C11orf65: variants seen among roughly 807,000 people sequenced by gnomAD.
C11orf65 encodes the protein protein MFI.
C11orf65 carries 38 observed loss-of-function variants against 35.3 expected under a neutral mutation model. That is an observed-to-expected ratio of 1.08 (90% CI 0.83 to 1.41). The LOEUF (loss-of-function observed/expected upper bound fraction) is 1.41. Among genes scored for constraint, C11orf65 ranks in the 40% most tolerant of loss-of-function variants. The pLI is 0.00. For synonymous variants in C11orf65, 105 were observed against 114.4 expected (o/e 0.92, Z 0.53); for missense variants, 370 against 367.1 (o/e 1.01, Z -0.06).
rs2137291352 is a variant in C11orf65 at position 108,353,824 on chromosome 11, C to CA, written c.227-18533dup. 6.2e-7 allele frequency: 1 copy of CA among 1,614,056 alleles called. No individual in the cohort carries two copies. Among genetic ancestry groups the CA allele is most frequent in the Non-Finnish European group, 8.5e-7 (1 of 1,179,990 alleles). ...CTCCTGAGACAGTTCCTTTTAGACT[C>CA]ACCAGAGATATTGTGGATGGCATGG... On this transcript the variant is annotated intron_variant, in intron 2 of 3. Coordinates refer to the C11orf65 transcript ENST00000524755.
chr11:108,325,868 A>G (rs539591104), intron 6 of C11orf65, among the ~76,000 whole-genome samples: 1 of 152,000 alleles, frequency 6.6e-6, no homozygotes, highest in Non-Finnish European at 1.5e-5. Flanking sequence ...ATAGAGAGAG[A>G]CAGACAGACA....
At position 108,343,246 on chromosome 11, in the gene C11orf65, G is replaced by A. The variant is rs748634900; in HGVS notation, c.227-7954C>T. On this transcript the variant is annotated intron_variant, in intron 2 of 3. Transcript: ENST00000524755. The stretch of plus-strand genomic sequence containing the variant: ...GGTGGTTCCCCTCTCTCAGCGAAGT[G>A]GTGTTCTTGAATGGTGCACAGGAAC... The A allele has an allele frequency of 4.3e-6, 7 of 1,613,958 alleles. No individual in the cohort carries two copies. Among genetic ancestry groups the A allele is most frequent in the Non-Finnish European group, 5.9e-6 (7 of 1,179,912 alleles).
intron 2 of C11orf65, among the ~76,000 whole-genome samples, chr11:108,342,413 AATATAC>A (rs1288750816): frequency 2.0e-5 from 3 of 152,194 alleles, no homozygotes; most frequent in Non-Finnish European, 2.9e-5. Context: ...AAATTACAGA[AATATAC>A]ATATAGTATC....
chr11:108,431,466 G>A (rs1649075633), intron 3 of C11orf65, among the ~76,000 whole-genome samples: 1 of 152,158 alleles, frequency 6.6e-6, no homozygotes, highest in Non-Finnish European at 1.5e-5. Flanking sequence ...ATATAAAATA[G>A]TGGTTACCTT....
intron 8 of C11orf65, among the ~76,000 whole-genome samples, chr11:108,383,795 C>T (rs957495663): frequency 1.2e-4 from 19 of 152,014 alleles, no homozygotes; most frequent in Non-Finnish European, 4.4e-5. Flanking sequence ...TGCTTTTATG[C>T]TCCTTCCAAC....
intron 2 of C11orf65, chr11:108,367,740 C>T (rs941813666): frequency 9.2e-6 from 2 of 217,144 alleles, no homozygotes; most frequent in African/African-American, 4.5e-5. Context: ...AACCAATCTC[C>T]AGAACTTTTT....
At chr11:108,338,143 G>T (rs113324485) in intron 2 of C11orf65, among the ~76,000 whole-genome samples, 10,882 of 152,340 alleles carry the variant, frequency 0.071, 451 homozygotes, top group Admixed American at 0.095. Context: ...GAGGCCAGGA[G>T]TTTGAGACCA....
At chr11:108,362,607 TAC>T (rs1417458104) in intron 2 of C11orf65, among the ~76,000 whole-genome samples, 1 of 149,612 alleles carries the variant, frequency 6.7e-6, no homozygotes, top group Non-Finnish European at 1.5e-5. Context: ...CACCATGGAA[TAC>T]TATGCAGCCA....
intron 2 of C11orf65, among the ~76,000 whole-genome samples, chr11:108,445,734 C>T (rs908815821): frequency 2.8e-4 from 42 of 152,222 alleles, no homozygotes; most frequent in Admixed American, 1.0e-3. Context: ...TCCAAAGGAA[C>T]GCAGCTCCTC....
chr11:108,354,975 C>A, intron 2 of C11orf65: 1 of 1,004,424 alleles, frequency 1.0e-6, no homozygotes, highest in Non-Finnish European at 1.6e-6. Context: ...TTCATTTTAA[C>A]ATAGGGGGAT....
chr11:108,435,730 G>A (rs2093050691), intron 2 of C11orf65, among the ~76,000 whole-genome samples: 1 of 152,088 alleles, frequency 6.6e-6, no homozygotes, highest in Non-Finnish European at 1.5e-5. Context: ...CTATATATCT[G>A]CATATAAATA....
At chr11:108,442,557 A>G (rs996206576) in intron 2 of C11orf65, among the ~76,000 whole-genome samples, 5 of 152,294 alleles carry the variant, frequency 3.3e-5, no homozygotes, top group South Asian at 2.1e-4. Flanking sequence ...AGGAAAAAAT[A>G]TTAAGGGCAG....
chr11:108,397,998 T>C (rs890056471), intron 6 of C11orf65, among the ~76,000 whole-genome samples: 3 of 152,126 alleles, frequency 2.0e-5, no homozygotes, highest in Admixed American at 1.3e-4. Context: ...TGTCTAGGTA[T>C]GTAAGGGAAG....
chr11:108,347,626 T>TA (rs1162537879), intron 2 of C11orf65, among the ~76,000 whole-genome samples: 4 of 152,090 alleles, frequency 2.6e-5, no homozygotes, highest in African/African-American at 9.7e-5. Flanking sequence ...AGACAGAAGA[T>TA]AGAGCAGATT....
At chr11:108,329,160 T>C (rs758351633), downstream of C11orf65, 3 of 1,614,044 alleles carry the variant, frequency 1.9e-6, no homozygotes, top group Middle Eastern at 1.6e-4. Context: ...TCATCGGAAT[T>C]TGAAAACAAG....
chr11:108,452,294 T>A (rs1008978417), intron 2 of C11orf65, among the ~76,000 whole-genome samples: 5 of 151,994 alleles, frequency 3.3e-5, no homozygotes, highest in African/African-American at 1.2e-4. Context: ...ACAAAGAACT[T>A]AAACAAATTT....
intron 7 of C11orf65, 97 bp downstream of exon 7, chr11:108,393,111 T>C (rs2092206447): frequency 1.5e-6 from 2 of 1,315,364 alleles, no homozygotes; most frequent in Admixed American, 2.3e-5. Flanking sequence ...TCTTTGAAGA[T>C]TGTTTGTGGC....
At chr11:108,371,951 G>C (rs1479826720) in intron 2 of C11orf65, among the ~76,000 whole-genome samples, 2 of 152,128 alleles carry the variant, frequency 1.3e-5, no homozygotes, top group Non-Finnish European at 2.9e-5. Context: ...ACTCTTACAA[G>C]TAGAAGCATT....
intron 3 of C11orf65, among the ~76,000 whole-genome samples, chr11:108,418,338 A>G (rs951474667): frequency 2.0e-5 from 3 of 152,168 alleles, no homozygotes; most frequent in African/African-American, 7.2e-5. Context: ...TTTATAAAAA[A>G]TAGACAACAG....
Sources: gnomAD v4.1 joint callset for allele counts (sites outside exome capture counted in the v4.1 genomes callset) on GRCh38, gnomAD v4.1.1 for gene constraint, MANE v1.5 for transcripts, NCBI Gene and HGNC (gene_info 2026-07-23, HGNC 2026-07-21) for gene names.